The following SMG1 variants were observed in gnomAD, a reference collection of about 807,000 sequenced individuals.
SMG1 encodes the protein serine/threonine-protein kinase SMG1.
Under a neutral mutation model 419.9 loss-of-function variants are expected in SMG1, and 22 were observed. The observed-to-expected ratio is 0.05, with a 90% CI of 0.04 to 0.07. The LOEUF (loss-of-function observed/expected upper bound fraction) is 0.07. SMG1 is among the 10% of genes least tolerant of loss of function. SMG1 has a pLI of 1.00. For synonymous variants in SMG1, 1,538 were observed against 1,553.5 expected (o/e 0.99, Z 0.23); for missense variants, 3,185 against 4,342.0 (o/e 0.73, Z 7.49).
intron 56 of SMG1, 111 bp from the exon 57 acceptor site, chr16:18,817,581 C>G: frequency 1.2e-6 from 1 of 862,400 alleles, no homozygotes; most frequent in Non-Finnish European, 1.7e-6. Flanking sequence ...AATTCAGGAC[C>G]AGAATTGGTC....
chr16:18,815,492 T>C lies in SMG1; in HGVS notation c.10462A>G (p.Met3488Val). The stretch of plus-strand genomic sequence containing the variant: ...AAGGTGGGAGTGATTTCCTGGAGCA[T>C]TTCAACGTGTTCTTGACTTCGAACC... ...GQVRSQEHVE[M>V]LQEITPTLKE... is the part of the protein sequence containing the mutation. The change falls in exon 59 of 63, where the codon ATG becomes GTG. Residue 3488 changes from methionine to valine, a missense_variant. Around this residue, in one of 27 missense-constraint regions of SMG1, gnomAD observed 737 missense variants for 846.6 expected, o/e 0.87. Coordinates refer to ENST00000446231, the MANE Select transcript of SMG1 (RefSeq NM_015092.5). The C allele has an allele frequency of 6.2e-7, 1 of 1,613,984 alleles. No homozygotes were observed. Among genetic ancestry groups the C allele is most frequent in the Non-Finnish European group, 8.5e-7 (1 of 1,179,880 alleles).
intron 62 of SMG1, among the ~76,000 whole-genome samples, chr16:18,810,317 T>G (rs974095647): frequency 1.3e-5 from 2 of 151,924 alleles, no homozygotes; most frequent in Non-Finnish European, 2.9e-5. Context: ...CTTGAATGAA[T>G]TGAATTATGA....
intron 7 of SMG1, 119 bp from the exon 8 acceptor site, chr16:18,885,281 T>G: frequency 3.1e-6 from 2 of 643,218 alleles, no homozygotes; most frequent in Non-Finnish European, 5.4e-6. Flanking sequence ...CTACTTGACA[T>G]TCTAGAAACT....
rs368819225 is a variant in SMG1, at chr16:18,830,073, T to A, written c.8986A>T (p.Ile2996Phe). Reference protein sequence around the residue: ...EIPIAWRKIDIIREARSTQVN... With the variant: ...EIPIAWRKIDFIREARSTQVN... ...TGAGTACTCCTGGCTTCCCTTATGA[T>A]GTCAATCTTTCGCCAAGCTATGGGA... The change falls in exon 53 of 63, where the codon ATC becomes TTC. Residue 2996 changes from isoleucine to phenylalanine, a missense_variant. Coordinates refer to ENST00000446231, the MANE Select transcript of SMG1 (RefSeq NM_015092.5). The A allele has an allele frequency of 6.2e-7, 1 of 1,605,002 alleles. No homozygotes were observed. The highest frequency in any genetic ancestry group is 8.5e-7 in the Non-Finnish European group (1 of 1,175,538).
At chr16:18,866,869 C>A in intron 22 of SMG1, 94 bp from the exon 23 acceptor site, 2 of 852,860 alleles carry the variant, frequency 2.3e-6, no homozygotes, top group South Asian at 3.2e-5. Context: ...CTGCTTAAAG[C>A]CAAATGTATT....
At chr16:18,875,592 C>CAA (rs34136187) in intron 13 of SMG1, 31 of 127,520 alleles carry the variant, frequency 2.4e-4, no homozygotes, top group African/African-American at 4.3e-4. Flanking sequence ...ACCCCATCTC[C>CAA]AAAAAAAAAA....
intron 51 of SMG1, among the ~76,000 whole-genome samples, chr16:18,832,501 T>C (rs370757398): frequency 6.6e-6 from 1 of 152,168 alleles, no homozygotes; most frequent in Non-Finnish European, 1.5e-5. Flanking sequence ...AAAAATATCA[T>C]GTTCGACTGT....
chr16:18,821,255 T>G, intron 55 of SMG1, among the ~76,000 whole-genome samples: 1 of 36,344 alleles, frequency 2.8e-5, no homozygotes, highest in Non-Finnish European at 7.6e-5. Flanking sequence ...TTTTTTTCTT[T>G]TTTTTTTTTT....
intron 42 of SMG1, among the ~76,000 whole-genome samples, chr16:18,839,437 T>G (rs1356338804): frequency 1.3e-5 from 2 of 152,176 alleles, no homozygotes; most frequent in Non-Finnish European, 2.9e-5. Context: ...AGTGAGAACA[T>G]GCGGTATTCA....
chr16:18,839,999 A>C, intron 41 of SMG1, 53 bp from the exon 42 acceptor site: 3 of 1,388,988 alleles, frequency 2.2e-6, no homozygotes, highest in Non-Finnish European at 2.9e-6. Context: ...TATATAAGGA[A>C]AAAGAGTGCC....
intron 17 of SMG1, 34 bp downstream of exon 17, chr16:18,870,767 G>A: frequency 3.3e-6 from 5 of 1,499,968 alleles, no homozygotes; most frequent in Non-Finnish European, 4.6e-6. Context: ...GGTTATTAGG[G>A]TTAATGTCAA....
intron 1 of SMG1, 113 bp from the exon 2 acceptor site, chr16:18,897,069 A>C (rs1368712354): frequency 6.0e-6 from 4 of 671,722 alleles, no homozygotes; most frequent in Middle Eastern, 4.2e-4. Flanking sequence ...ATTTAGTGTA[A>C]TATGTACTAT....
At chr16:18,855,874 TCTCA>T (rs2034871202) in intron 29 of SMG1, among the ~76,000 whole-genome samples, 1 of 152,184 alleles carries the variant, frequency 6.6e-6, no homozygotes, top group South Asian at 2.1e-4. Flanking sequence ...TCTGATGACT[TCTCA>T]CTGACATTCT....
chr16:18,911,111 A>G (rs978016656), intron 1 of SMG1, among the ~76,000 whole-genome samples: 2 of 152,222 alleles, frequency 1.3e-5, no homozygotes, highest in Non-Finnish European at 1.5e-5. Context: ...TAAGGTGTGA[A>G]TACAAGATAT....
rs758701023 is a variant in SMG1 at position 18,836,128 on chromosome 16, C to T, written c.7862G>A (p.Gly2621Glu). ...CTGCTGCAGGAGAGCACCAACCTCCCCCTCCAGCTGCTCGCACTGGCTAAT... is the reference window on the plus strand; with the variant it reads ...CTGCTGCAGGAGAGCACCAACCTCCTCCTCCAGCTGCTCGCACTGGCTAAT... ...HLISQCEQLE[G>E]EVGALLQQRR... is the part of the protein sequence containing the mutation. The change falls in exon 48 of 63, where the codon GGG (glycine) becomes GAG (glutamate). Residue 2621 changes from glycine (G) to glutamate (E), a missense_variant. Transcript: ENST00000446231. 3.1e-6 allele frequency: 5 copies of T among 1,609,786 alleles called. No homozygotes were observed. In the South Asian group the frequency reaches 4.4e-5, roughly 14 times the overall value.
chr16:18,819,552 T>C lies in SMG1; in HGVS notation c.9844A>G (p.Ile3282Val). 1 of 1,606,932 alleles carries C rather than the reference T, an allele frequency of 6.2e-7. No individual in the cohort carries two copies. The change falls in exon 56 of 63, where the codon ATA (isoleucine) becomes GTA (valine). Residue 3282 changes from isoleucine (I) to valine (V), a missense_variant. Physicochemically the swap from Ile to Val is conservative, Grantham distance 29. Around this residue, in one of 27 missense-constraint regions of SMG1, gnomAD observed 737 missense variants for 846.6 expected, o/e 0.87. Transcript: ENST00000446231. ...AGGACAAGATTTCTTCTTTCAGCTA[T>C]CGTTGCTTCAAAATCTTGTAGTACA... The part of the protein sequence containing the change: ...APVLQDFEAT[I>V]AERRNLVLKE...
chr16:18,914,028 C>T (rs1596654511), intron 1 of SMG1, among the ~76,000 whole-genome samples: 2 of 151,922 alleles, frequency 1.3e-5, no homozygotes, highest in East Asian at 3.9e-4. Context: ...ATTAGCCAGG[C>T]GAGTGGCACA....
Position 18,911,022 on chromosome 16 carries a change from T to C in SMG1, c.93-14066A>G, listed in dbSNP as rs1379867045. On this transcript the variant is annotated intron_variant, in intron 1 of 62. Transcript: ENST00000446231. ...TATATACATTCCATTTACATTGTAC[T>C]TGCCCTCCAATCTATGCAAATAGTC... 3.9e-5 allele frequency among the ~76,000 whole-genome samples: 6 copies of C among 152,178 alleles called. 1 individual carries two copies. Among genetic ancestry groups the C allele is most frequent in the Non-Finnish European group, 8.8e-5 (6 of 68,040 alleles).
chr16:18,883,483 A>C (rs1301087035), intron 9 of SMG1, among the ~76,000 whole-genome samples: 1 of 152,284 alleles, frequency 6.6e-6, no homozygotes, highest in East Asian at 1.9e-4. Context: ...GGAACAAAAA[A>C]TAAAAATAAA....
Sources: gnomAD v4.1 joint callset for allele counts (sites outside exome capture counted in the v4.1 genomes callset) on GRCh38, gnomAD v4.1.1 for gene constraint, gnomAD v4.1.1 regional missense constraint, MANE v1.5 for transcripts, NCBI Gene and HGNC (gene_info 2026-07-23, HGNC 2026-07-21) for gene names.